The following IL18R1 variants were observed in gnomAD, a reference collection of about 807,000 sequenced individuals.
The protein encoded by IL18R1 is interleukin 18 receptor 1.
In IL18R1, 40 loss-of-function variants were observed where a neutral mutation model predicts 48.5. The observed-to-expected ratio is 0.82, with a 90% CI of 0.64 to 1.07. The LOEUF (loss-of-function observed/expected upper bound fraction) is 1.07. IL18R1 is among the 50% of genes least tolerant of loss of function. The pLI is 0.00. For missense variants in IL18R1, 596 were observed against 633.7 expected (o/e 0.94, Z 0.64); for synonymous variants, 232 against 225.9 (o/e 1.03, Z -0.24).
chr2:102,362,849 G>A lies in IL18R1; in HGVS notation c.58+131G>A, dbSNP rs1414082427. 5.5e-6 allele frequency: 3 copies of A among 547,208 alleles called. No homozygotes were observed. In the East Asian group the frequency reaches 8.6e-5, roughly 16 times the overall value. 33.9% of individuals were successfully genotyped at this position (547,208 alleles called of 1,614,324 possible). ...GAAAAGAAAAGATTCTGCAGTCTGA[G>A]TTCATGTAGTGAGAGCAGAGTGAAA... On this transcript the variant is annotated intron_variant, in intron 2 of 10. Coordinates refer to ENST00000233957, the MANE Select transcript of IL18R1 (RefSeq NM_003855.5).
At chr2:102,389,039 A>ATATACATGCATAT (rs1210790031) in intron 8 of IL18R1, among the ~76,000 whole-genome samples, 1 of 152,186 alleles carries the variant, frequency 6.6e-6, no homozygotes, top group Admixed American at 6.5e-5. Flanking sequence ...CATATTTGCA[A>ATATACATGCATAT]ATGTATATGC....
chr2:102,386,995 G>A lies in IL18R1; in HGVS notation c.944G>A (p.Arg315Lys). The change falls in exon 8 of 11, where the codon AGA becomes AAA. Residue 315 changes from arginine (R) to lysine (K), a missense_variant. By Grantham distance (26) the Arg-to-Lys change is conservative. Coordinates refer to ENST00000233957, the MANE Select transcript of IL18R1 (RefSeq NM_003855.5). ...GACACCAAAAGCTTCATCTTGGTGAGAAAAGGTGAGAAAGATTTATTTTTG... is the reference window on the plus strand; with the variant it reads ...GACACCAAAAGCTTCATCTTGGTGAAAAAAGGTGAGAAAGATTTATTTTTG... Reference protein sequence around the residue: ...GTDTKSFILVRKADMADIPGH... With the variant: ...GTDTKSFILVKKADMADIPGH... The A allele has an allele frequency of 6.2e-7, 1 of 1,610,292 alleles. No individual in the cohort carries two copies. Among genetic ancestry groups the A allele is most frequent in the African/African-American group, 1.3e-5 (1 of 74,600 alleles).
Position 102,359,034 on chromosome 2 carries a change from T to TGCGTGTGTGTGCATGTGC in IL18R1, c.-29+2635_-29+2652dup, listed in dbSNP as rs747535897. The stretch of plus-strand genomic sequence containing the variant: ...GTGTGTGTGAGCATGTGTGTGTGTG[T>TGCGTGTGTGTGCATGTGC]GCGTGTGTGTGCATGTGCATGTTTG... On this transcript the variant is annotated intron_variant, in intron 1 of 10. Coordinates refer to ENST00000233957, the MANE Select transcript of IL18R1 (RefSeq NM_003855.5). Among the ~76,000 whole-genome samples, 709 of 152,220 alleles carry TGCGTGTGTGTGCATGTGC rather than the reference T, an allele frequency of 4.7e-3. 5 individuals carry two copies. Among genetic ancestry groups the TGCGTGTGTGTGCATGTGC allele is most frequent in the Admixed American group, 7.7e-3 (117 of 15,290 alleles).
Position 102,356,275 on chromosome 2 carries a change from C to T in IL18R1, c.-154C>T, listed in dbSNP as rs1384866701. ...TTAATCACACCTCTCTTTCACTTTC[C>T]ACGGTAGTCAGGAGGCGGAGATCGC... On this transcript the variant is annotated 5_prime_UTR_variant, in exon 1 of 11. Transcript: ENST00000233957. The T allele has an allele frequency of 3.3e-6, 3 of 898,400 alleles. No individual in the cohort carries two copies. The highest frequency in any genetic ancestry group is 3.7e-5 in the African/African-American group (2 of 54,098). The allele number at this position is 898,400 out of a possible 1,614,324, so 55.7% of individuals were successfully genotyped here.
chr2:102,393,064 T>C (rs922803713), intron 9 of IL18R1, among the ~76,000 whole-genome samples: 7 of 152,212 alleles, frequency 4.6e-5, no homozygotes, highest in South Asian at 2.1e-4. Context: ...TATAAACCCA[T>C]ATTTGATGAA....
At chr2:102,388,713 C>T (rs1260984131) in intron 8 of IL18R1, among the ~76,000 whole-genome samples, 1 of 152,166 alleles carries the variant, frequency 6.6e-6, no homozygotes, top group Non-Finnish European at 1.5e-5. Flanking sequence ...TGTGTGCGTG[C>T]GTGTTTTTGC....
At chr2:102,396,468 C>G (rs760454705) in intron 10 of IL18R1, 63 bp from the exon 11 acceptor site, 70 of 984,988 alleles carry the variant, frequency 7.1e-5, no homozygotes, top group Non-Finnish European at 1.1e-4. Context: ...TGCAAAATGA[C>G]TTTTATCTCA....
At chr2:102,366,457 C>T (rs1394488567) in intron 2 of IL18R1, among the ~76,000 whole-genome samples, 2 of 152,146 alleles carry the variant, frequency 1.3e-5, no homozygotes, top group Non-Finnish European at 2.9e-5. Context: ...CAAACTTTTC[C>T]ATATTTTCTT....
In IL18R1 at chr2:102,362,677, T is replaced by G; in HGVS notation, c.17T>G (p.Leu6Ter). The part of the protein sequence containing the change: MNCRE[L>*]PLTLWVLISV... The stretch of plus-strand genomic sequence containing the variant: ...ATCCAAACCATGAATTGTAGAGAAT[T>G]ACCCTTGACCCTTTGGGTGCTTATA... The change falls in exon 2 of 11, where the codon TTA (leucine) becomes TGA (stop). Residue 6 changes from leucine to a stop codon, truncating the protein, a stop_gained. Coordinates refer to ENST00000233957, the MANE Select transcript of IL18R1 (RefSeq NM_003855.5). LOFTEE classifies it high-confidence loss of function. 1 of 1,607,708 alleles carries G rather than the reference T, an allele frequency of 6.2e-7. No individual in the cohort carries two copies. The highest frequency in any genetic ancestry group is 8.5e-7 in the Non-Finnish European group (1 of 1,177,720).
At chr2:102,386,741 A>G in intron 7 of IL18R1, 120 bp from the exon 8 acceptor site, 1 of 1,004,742 alleles carries the variant, frequency 1.0e-6, no homozygotes, top group Non-Finnish European at 1.5e-6. Flanking sequence ...AGTACTGGCC[A>G]GAAAGGGAAG....
In IL18R1 at chr2:102,378,071, T is replaced by C. The variant is rs115532730; in HGVS notation, c.625+2008T>C. On this transcript the variant is annotated intron_variant, in intron 5 of 10. Coordinates refer to ENST00000233957, the MANE Select transcript of IL18R1 (RefSeq NM_003855.5). ...AATCTCATATAAATCTCTGTTACTT[T>C]GATACTTTCAGAACCTACACCCTCT... is the stretch of plus-strand genomic sequence containing the variant. 5.0e-3 allele frequency among the ~76,000 whole-genome samples: 755 copies of C among 152,316 alleles called. 6 individuals carry two copies. Among genetic ancestry groups the C allele is most frequent in the Non-Finnish European group, 8.7e-3 (594 of 68,028 alleles).
chr2:102,376,680 G>A (rs1679605912), intron 5 of IL18R1, among the ~76,000 whole-genome samples: 1 of 152,146 alleles, frequency 6.6e-6, no homozygotes, highest in African/African-American at 2.4e-5. Context: ...ACACTGATGT[G>A]CTGGTGGGAG....
chr2:102,388,129 C>G (rs1391540957), intron 8 of IL18R1, among the ~76,000 whole-genome samples: 1 of 152,128 alleles, frequency 6.6e-6, no homozygotes, highest in African/African-American at 2.4e-5. Context: ...AGGAGTGGGA[C>G]AGGAAGAGCA....
At position 102,394,034 on chromosome 2, in the gene IL18R1, T is replaced by A. The variant is rs11465653; in HGVS notation, c.1112-435T>A. Among the ~76,000 whole-genome samples the A allele has an allele frequency of 7.8e-3, 1,187 of 152,300 alleles. 5 individuals carry two copies. Among genetic ancestry groups the A allele is most frequent in the Non-Finnish European group, 0.014 (931 of 68,016 alleles). ...TGTTTTAATTACCCAATTAGGAGCA[T>A]GGTCTTTGTTATTTAGGAGACATTT... On this transcript the variant is annotated intron_variant, in intron 9 of 10. Coordinates refer to ENST00000233957, the MANE Select transcript of IL18R1 (RefSeq NM_003855.5).
At chr2:102,381,818 A>AAAAG in intron 6 of IL18R1, 136 bp downstream of exon 6, 2 of 672,664 alleles carry the variant, frequency 3.0e-6, no homozygotes, top group Non-Finnish European at 5.1e-6. Flanking sequence ...CAAAACTAAG[A>AAAAG]AAAGAGTGCC....
rs1472052460 is a variant in IL18R1 at position 102,396,814 on chromosome 2, C to T, written c.1554C>T (p.Tyr518=). ...CAAGGTTCTGGAAGAACCTTCTTTA[C>T]TTAATGCCTGCAAAAACAGTCAAGC... ...YNSRFWKNLL[Y]LMPAKTVKPG... is the part of the protein sequence containing the mutation. The change falls in exon 11 of 11, where the codon TAC becomes TAT. Residue 518 remains tyrosine (Y), a synonymous_variant. Coordinates refer to ENST00000233957, the MANE Select transcript of IL18R1 (RefSeq NM_003855.5). The T allele has an allele frequency of 1.2e-6, 2 of 1,613,406 alleles. No individual in the cohort carries two copies. Among genetic ancestry groups the T allele is most frequent in the Non-Finnish European group, 8.5e-7 (1 of 1,179,810 alleles).
intron 7 of IL18R1, 101 bp downstream of exon 7, chr2:102,385,099 T>G: frequency 1.7e-6 from 1 of 589,316 alleles, no homozygotes. Flanking sequence ...GATGTGTATT[T>G]TGGGCTAGTT....
rs147655475 is a variant in IL18R1 at position 102,367,687 on chromosome 2, C to G, written c.59-138C>G. The G allele has an allele frequency of 3.8e-4, 265 of 700,270 alleles. No homozygotes were observed. The African/African-American group carries it at 4.6e-3, about 12-fold the overall frequency. The allele number at this position is 700,270 out of a possible 1,614,324, so 43.4% of individuals were successfully genotyped here. On this transcript the variant is annotated intron_variant, in intron 2 of 10. Coordinates refer to ENST00000233957, the MANE Select transcript of IL18R1 (RefSeq NM_003855.5). ...GATTGACGCAAAAATAAAGAACCCA[C>G]AGGAAATTGACACCGAGATTTCTCA... is the stretch of plus-strand genomic sequence containing the variant.
intron 4 of IL18R1, among the ~76,000 whole-genome samples, chr2:102,373,509 G>A (rs1170928662): frequency 6.6e-6 from 1 of 152,174 alleles, no homozygotes; most frequent in Non-Finnish European, 1.5e-5. Context: ...AATACCTAAT[G>A]TAGATGACAA....
Sources: allele counts gnomAD v4.1 joint callset (sites outside exome capture counted in the v4.1 genomes callset), GRCh38; gene constraint gnomAD v4.1.1; transcripts MANE v1.5; gene names NCBI Gene and HGNC (gene_info 2026-07-23, HGNC 2026-07-21).